Variants in HLA-G observed in about 807,000 individuals in gnomAD.
HLA-G encodes HLA class I histocompatibility antigen, alpha chain G.
A neutral mutation model predicts 39.3 loss-of-function variants in HLA-G; 34 were observed. That is an observed-to-expected ratio of 0.86 (90% CI 0.66 to 1.15). The LOEUF is 1.15. HLA-G is among the 50% of genes most tolerant of loss of function. The pLI is 0.00. For synonymous variants in HLA-G, 183 were observed against 185.8 expected, an observed-to-expected ratio of 0.99 and a Z score of 0.12; for missense variants, 419 against 456.4, an observed-to-expected ratio of 0.92 and a Z score of 0.75.
intron 3 of HLA-G, 128 bp from the exon 4 acceptor site, chr6:29,829,290 G>A: frequency 9.7e-7 from 1 of 1,032,874 alleles, no homozygotes; most frequent in Non-Finnish European, 1.5e-6. Context: ...CCAGGCTGGT[G>A]TCTGGGTTCT....
chr6:29,828,738 G>C lies in HLA-G; in HGVS notation c.539G>C (p.Arg180Thr). 2 of 1,613,894 alleles carry C rather than the reference G, an allele frequency of 1.2e-6. No homozygotes were observed. Among genetic ancestry groups the C allele is most frequent in the Non-Finnish European group, 1.7e-6 (2 of 1,180,022 alleles). Residue 180 changes from arginine (R) to threonine (T), a missense_variant, in exon 3 of 7, where the codon AGG becomes ACG. Around this residue, in one of 2 missense-constraint regions of HLA-G, gnomAD observed 328 missense variants for 323.0 expected, o/e 1.02. Transcript: ENST00000360323. ...GAGGCGGCCAATGTGGCTGAACAAAGGAGAGCCTACCTGGAGGGCACGTGC... is the reference window on the plus strand; with the variant it reads ...GAGGCGGCCAATGTGGCTGAACAAACGAGAGCCTACCTGGAGGGCACGTGC... ...KCEAANVAEQRRAYLEGTCVE... is the reference protein window; with the variant it reads ...KCEAANVAEQTRAYLEGTCVE...
chr6:29,830,075 C>CTGTGTT, intron 5 of HLA-G, 143 bp downstream of exon 5: 1 of 707,932 alleles, frequency 1.4e-6, no homozygotes, highest in Non-Finnish European at 2.5e-6. Context: ...TGTGTGCCAG[C>CTGTGTT]ACCTTCTCTT....
chr6:29,829,677 C>A lies in HLA-G; in HGVS notation c.879C>A (p.Pro293=), dbSNP rs1240360944. The A allele has an allele frequency of 6.2e-7, 1 of 1,612,958 alleles. No individual in the cohort carries two copies. Among genetic ancestry groups the A allele is most frequent in the South Asian group, 1.1e-5 (1 of 91,008 alleles). The part of the protein sequence containing the change: ...CHVQHEGLPE[P]LMLRWKQSSL... ...TGCAGCATGAGGGGCTGCCGGAGCC[C>A]CTCATGCTGAGATGGAGTAAGGAGG... is the stretch of plus-strand genomic sequence containing the variant. Residue 293 remains proline (P), a synonymous_variant, in exon 4 of 7, where the codon CCC becomes CCA. Coordinates refer to ENST00000360323, the MANE Select transcript of HLA-G (RefSeq NM_001384290.1).
At position 29,828,527 on chromosome 6, in the gene HLA-G, G is replaced by GA. The variant is rs1760914141; in HGVS notation, c.344-15dup. ...CGAGGCTCGGTGGGCGGGGCTGACCGAGGGGGTGGGGCCAGGTTCTCACAC... is the reference window on the plus strand; with the variant it reads ...CGAGGCTCGGTGGGCGGGGCTGACCGAAGGGGGTGGGGCCAGGTTCTCACAC... On this transcript the variant is annotated splice_polypyrimidine_tract_variant and intron_variant, in intron 2 of 6. Coordinates refer to ENST00000360323, the MANE Select transcript of HLA-G (RefSeq NM_001384290.1). 3.7e-6 allele frequency: 6 copies of GA among 1,609,140 alleles called. No individual in the cohort carries two copies. The highest frequency in any genetic ancestry group is 5.1e-6 in the Non-Finnish European group (6 of 1,177,434).
chr6:29,828,778 C>T lies in HLA-G; in HGVS notation c.579C>T (p.His193=), dbSNP rs56026760. ...AGGGCACGTGCGTGGAGTGGCTCCA[C>T]AGATACCTGGAGAACGGGAAGGAGA... ...YLEGTCVEWL[H]RYLENGKEML... Residue 193 remains histidine (H), a synonymous_variant, in exon 3 of 7, where the codon CAC becomes CAT. Transcript: ENST00000360323. 9.3e-6 allele frequency: 15 copies of T among 1,614,056 alleles called. No homozygotes were observed. In the East Asian group the frequency reaches 3.3e-4, roughly 36 times the overall value.
At position 29,828,285 on chromosome 6, in the gene HLA-G, C is replaced by A. The variant is rs1760874062; in HGVS notation, c.312C>A (p.Thr104=). The A allele has an allele frequency of 6.2e-7, 1 of 1,613,412 alleles. No homozygotes were observed. The highest frequency in any genetic ancestry group is 1.1e-5 in the South Asian group (1 of 91,066). The change falls in exon 2 of 7, where the codon ACC becomes ACA. Residue 104 remains threonine (T), a synonymous_variant. Coordinates refer to ENST00000360323, the MANE Select transcript of HLA-G (RefSeq NM_001384290.1). The stretch of plus-strand genomic sequence containing the variant: ...AGACTGACAGAATGAACCTGCAGAC[C>A]CTGCGCGGCTACTACAACCAGAGCG... ...HAQTDRMNLQ[T]LRGYYNQSEA... is the part of the protein sequence containing the mutation.
At position 29,829,861 on chromosome 6, in the gene HLA-G, G is replaced by A; in HGVS notation, c.941G>A (p.Gly314Asp). The change falls in exon 5 of 7, where the codon GGC (glycine) becomes GAC (aspartate). Residue 314 changes from glycine (G) to aspartate (D), a missense_variant. By Grantham distance (94) the Gly-to-Asp change is moderately conservative (BLOSUM62 -1). Around this residue, in one of 2 missense-constraint regions of HLA-G, gnomAD observed 328 missense variants for 323.0 expected, o/e 1.02. Transcript: ENST00000360323. ...PTIPIMGIVA[G>D]LVVLAAVVTG... ...ATCCCCATCATGGGTATCGTTGCTG[G>A]CCTGGTTGTCCTTGCAGCTGTAGTC... The A allele has an allele frequency of 6.2e-7, 1 of 1,614,068 alleles. No individual in the cohort carries two copies. Among genetic ancestry groups the A allele is most frequent in the Non-Finnish European group, 8.5e-7 (1 of 1,179,978 alleles).
chr6:29,827,780 C>T, upstream of HLA-G: 1 of 1,498,884 alleles, frequency 6.7e-7, no homozygotes, highest in South Asian at 1.1e-5. Context: ...CAATCAGCGT[C>T]GCCGCGGTCC....
At position 29,829,819 on chromosome 6, in the gene HLA-G, A is replaced by C. The variant is rs766671384; in HGVS notation, c.899A>C (p.Gln300Pro). Residue 300 changes from glutamine (Q) to proline (P), a missense_variant, in exon 5 of 7, where the codon CAG becomes CCG. Transcript: ENST00000360323. ...LPEPLMLRWK[Q>P]SSLPTIPIMG... ...TCACCTTCACCTCCTTTCCCAGAGCAGTCTTCCCTGCCCACCATCCCCATC... is the reference window on the plus strand; with the variant it reads ...TCACCTTCACCTCCTTTCCCAGAGCCGTCTTCCCTGCCCACCATCCCCATC... 1.4e-5 allele frequency: 23 copies of C among 1,612,544 alleles called. No individual in the cohort carries two copies. Among genetic ancestry groups the C allele is most frequent in the Non-Finnish European group, 2.0e-5 (23 of 1,179,070 alleles).
intron 5 of HLA-G, 53 bp downstream of exon 5, chr6:29,829,985 T>G: frequency 4.6e-6 from 6 of 1,311,242 alleles, no homozygotes; most frequent in African/African-American, 1.5e-5. Context: ...ACTGGGGGTT[T>G]CAAGCCCCAG....
In HLA-G at chr6:29,829,610, T is replaced by G; in HGVS notation, c.812T>G (p.Val271Gly). Residue 271 changes from valine to glycine, a missense_variant, in exon 4 of 7, where the codon GTG becomes GGG. Transcript: ENST00000360323. ...GGAACCTTCCAGAAGTGGGCAGCTG[T>G]GGTGGTGCCTTCTGGAGAGGAGCAG... ...GDGTFQKWAA[V>G]VVPSGEEQRY... 3.1e-6 allele frequency: 5 copies of G among 1,613,934 alleles called. No homozygotes were observed. Among genetic ancestry groups the G allele is most frequent in the Non-Finnish European group, 4.2e-6 (5 of 1,179,962 alleles).
chr6:29,829,332 C>A, intron 3 of HLA-G, 86 bp from the exon 4 acceptor site: 1 of 1,446,840 alleles, frequency 6.9e-7, no homozygotes, highest in South Asian at 1.3e-5. Context: ...GTATCTGGTT[C>A]ATTCTTAGGA....
rs756969252 is a variant in HLA-G at position 29,828,261 on chromosome 6, G to T, written c.288G>T (p.Gln96His). Residue 96 changes from glutamine (Q) to histidine (H), a missense_variant, in exon 2 of 7, where the codon CAG (glutamine) becomes CAT (histidine). Around this residue, in one of 2 missense-constraint regions of HLA-G, gnomAD observed 328 missense variants for 323.0 expected, o/e 1.02. Coordinates refer to ENST00000360323, the MANE Select transcript of HLA-G (RefSeq NM_001384290.1). ...CACGGAACACCAAGGCCCACGCACA[G>T]ACTGACAGAATGAACCTGCAGACCC... is the stretch of plus-strand genomic sequence containing the variant. The part of the protein sequence containing the change: ...EETRNTKAHA[Q>H]TDRMNLQTLR... The T allele has an allele frequency of 6.2e-7, 1 of 1,613,636 alleles. No homozygotes were observed. Among genetic ancestry groups the T allele is most frequent in the Non-Finnish European group, 8.5e-7 (1 of 1,179,828 alleles).
At chr6:29,830,546 A>G (rs1367907855) in intron 6 of HLA-G, 136 bp downstream of exon 6, 10 of 850,462 alleles carry the variant, frequency 1.2e-5, no homozygotes, top group East Asian at 2.4e-5. Flanking sequence ...TTTTTGTTCT[A>G]CTCTAGGCAG....
intron 4 of HLA-G, 21 bp downstream of exon 4, chr6:29,829,714 A>C (rs750833031): frequency 6.2e-7 from 1 of 1,610,548 alleles, no homozygotes; most frequent in South Asian, 1.1e-5. Flanking sequence ...AGATGGAGGC[A>C]TCATGTCTGT....
chr6:29,829,405 CTCTT>C lies in HLA-G; in HGVS notation c.620-12_620-9del, dbSNP rs1416138155. On this transcript the variant is annotated splice_polypyrimidine_tract_variant and intron_variant, in intron 3 of 6. Transcript: ENST00000360323. ...GATGCAAAGTGCTTGAATTTTCTGA[CTCTT>C]CCTTTCAGACCCCCCCAAGACACAC... The C allele has an allele frequency of 1.2e-6, 2 of 1,611,438 alleles. No homozygotes were observed. Among genetic ancestry groups the C allele is most frequent in the African/African-American group, 2.7e-5 (2 of 74,788 alleles).
In HLA-G at chr6:29,827,964, G is replaced by A. The variant is rs375331160; in HGVS notation, c.73+47G>A. 3.1e-5 allele frequency: 49 copies of A among 1,590,334 alleles called. No homozygotes were observed. In the African/African-American group the frequency reaches 5.4e-4, roughly 17 times the overall value. On this transcript the variant is annotated intron_variant, in intron 1 of 6. Transcript: ENST00000360323. Reference sequence around the variant, plus strand: ...AAACAGCCCCTGCGCGGAGGAGGGAGGGGCCGGCCCGGCGGGGGCGCAGGA... The same window carrying A: ...AAACAGCCCCTGCGCGGAGGAGGGAAGGGCCGGCCCGGCGGGGGCGCAGGA...
At chr6:29,827,041 G>A, upstream of HLA-G, 1 of 525,416 alleles carries the variant, frequency 1.9e-6, no homozygotes, top group East Asian at 5.5e-5. Context: ...GCTACGGAAT[G>A]AAGGTAAATT....
At position 29,830,962 on chromosome 6, in the gene HLA-G, A is replaced by G; in HGVS notation, c.*223A>G. On this transcript the variant is annotated 3_prime_UTR_variant, in exon 7 of 7. Transcript: ENST00000360323. Reference sequence around the variant, plus strand: ...CTGGGATGTCTCCGTCTCTGTCTCAAATTTGTGGTCCACTGAGCTATAACT... The same window carrying G: ...CTGGGATGTCTCCGTCTCTGTCTCAGATTTGTGGTCCACTGAGCTATAACT... 1 of 226,630 alleles carries G rather than the reference A, an allele frequency of 4.4e-6. No homozygotes were observed. Among genetic ancestry groups the G allele is most frequent in the South Asian group, 4.5e-5 (1 of 22,048 alleles). The allele number at this position is 226,630 out of a possible 1,614,324, so 14.0% of individuals were successfully genotyped here. A position where few individuals can be genotyped will look rare whatever the true frequency, so the allele number is the denominator to read the frequency against.
Sources: allele counts gnomAD v4.1 joint callset, GRCh38; gene constraint gnomAD v4.1.1; regional missense constraint gnomAD v4.1.1; transcripts MANE v1.5; gene names NCBI Gene and HGNC (gene_info 2026-07-23, HGNC 2026-07-21).